Variants in SGCZ observed in about 807,000 individuals in gnomAD.
The protein encoded by SGCZ is zeta-sarcoglycan.
A neutral mutation model predicts 41.3 loss-of-function variants in SGCZ; 40 were observed. The observed-to-expected ratio is 0.97, with a 90% CI of 0.75 to 1.26. The LOEUF (loss-of-function observed/expected upper bound fraction) is 1.26, where lower values mean the gene tolerates loss of function less well. SGCZ is among the 50% of genes most tolerant of loss of function. SGCZ has a pLI of 0.00. For missense variants in SGCZ, 552 were observed against 369.8 expected (o/e 1.49, Z -4.04); for synonymous variants, 206 against 137.5 (o/e 1.50, Z -3.49).
intron 4 of SGCZ, among the ~76,000 whole-genome samples, chr8:14,229,110 C>A (rs145214467): frequency 2.6e-4 from 40 of 152,188 alleles, no homozygotes; most frequent in African/African-American, 9.4e-4. Flanking sequence ...TAGTCTAGGT[C>A]CTCCAGGAAG....
chr8:14,152,936 A>G lies in SGCZ; in HGVS notation c.547+11644T>C, dbSNP rs146930959. ...AAAGAAAATCCGGAAAGGTAAGTAA[A>G]TACCATATGATTCTGAATATAACAT... On this transcript the variant is annotated intron_variant, in intron 5 of 7. Coordinates refer to ENST00000382080, the MANE Select transcript of SGCZ (RefSeq NM_139167.4). Among the ~76,000 whole-genome samples the G allele has an allele frequency of 4.6e-5, 7 of 152,348 alleles. No homozygotes were observed. In the East Asian group the frequency reaches 1.4e-3, roughly 29 times the overall value.
chr8:14,625,865 A>G (rs1806438039), intron 1 of SGCZ, among the ~76,000 whole-genome samples: 1 of 152,180 alleles, frequency 6.6e-6, no homozygotes. Flanking sequence ...CAGCAGAATT[A>G]CCATCACCTT....
At chr8:14,243,030 GCATGACCTT>G (rs1798946264) in intron 3 of SGCZ, among the ~76,000 whole-genome samples, 1 of 152,184 alleles carries the variant, frequency 6.6e-6, no homozygotes, top group South Asian at 2.1e-4. Flanking sequence ...GGTTTTGGTA[GCATGACCTT>G]GTTTGTCTTG....
At chr8:14,739,849 C>T (rs1390881424) in intron 1 of SGCZ, among the ~76,000 whole-genome samples, 1 of 151,986 alleles carries the variant, frequency 6.6e-6, no homozygotes, top group Admixed American at 6.6e-5. Flanking sequence ...CCATTTTTAT[C>T]CAAAGTTCTA....
At chr8:14,643,468 G>T (rs1205953127) in intron 1 of SGCZ, among the ~76,000 whole-genome samples, 2 of 151,110 alleles carry the variant, frequency 1.3e-5, no homozygotes, top group African/African-American at 4.9e-5. Flanking sequence ...AAGGGGTAGA[G>T]TTTTATAAAC....
At chr8:14,648,598 G>GT (rs1279077215) in intron 1 of SGCZ, among the ~76,000 whole-genome samples, 3 of 151,820 alleles carry the variant, frequency 2.0e-5, no homozygotes, top group Non-Finnish European at 4.4e-5. Context: ...CAAAGAAAAG[G>GT]TTTTTTGTTT....
At chr8:14,412,001 T>C (rs780861235) in intron 2 of SGCZ, among the ~76,000 whole-genome samples, 6 of 152,122 alleles carry the variant, frequency 3.9e-5, no homozygotes, top group Non-Finnish European at 7.4e-5. Flanking sequence ...TCTTCTTAAA[T>C]GCAAGGGCGT....
intron 1 of SGCZ, among the ~76,000 whole-genome samples, chr8:14,713,544 G>A (rs937697436): frequency 6.6e-6 from 1 of 151,974 alleles, no homozygotes; most frequent in African/African-American, 2.4e-5. Flanking sequence ...TGCAAATGAG[G>A]GTTGAACTAA....
chr8:14,803,668 GC>G (rs1054539140), intron 1 of SGCZ, among the ~76,000 whole-genome samples: 4 of 151,996 alleles, frequency 2.6e-5, no homozygotes, highest in African/African-American at 4.8e-5. Flanking sequence ...GCCCGCCATT[GC>G]CCAGGCTTGC....
In SGCZ at chr8:14,261,053, T is replaced by C. The variant is rs529369578; in HGVS notation, c.337-23374A>G. Among the ~76,000 whole-genome samples the C allele has an allele frequency of 2.6e-5, 4 of 152,152 alleles. No homozygotes were observed. The East Asian group carries it at 7.8e-4, about 30-fold the overall frequency. ...CATGGCACATGTATACGTATGTAAC[T>C]AACCTGCCCAATGTGCACATGTACC... On this transcript the variant is annotated intron_variant, in intron 3 of 7. Coordinates refer to ENST00000382080, the MANE Select transcript of SGCZ (RefSeq NM_139167.4).
chr8:14,558,053 C>A (rs1468913474), intron 1 of SGCZ, among the ~76,000 whole-genome samples: 1 of 152,090 alleles, frequency 6.6e-6, no homozygotes, highest in Non-Finnish European at 1.5e-5. Flanking sequence ...AGTGCATAGA[C>A]TACAAAACCT....
At chr8:14,184,913 C>A (rs1039837298) in intron 4 of SGCZ, among the ~76,000 whole-genome samples, 1 of 152,096 alleles carries the variant, frequency 6.6e-6, no homozygotes. Flanking sequence ...TATAGCACCA[C>A]AACACTTATG....
chr8:14,506,079 T>C (rs1802296384), intron 2 of SGCZ, among the ~76,000 whole-genome samples: 1 of 152,088 alleles, frequency 6.6e-6, no homozygotes, highest in Non-Finnish European at 1.5e-5. Context: ...GGCTCATGCC[T>C]ATAATCCCAG....
chr8:14,405,156 C>A (rs1408615175), intron 2 of SGCZ, among the ~76,000 whole-genome samples: 1 of 152,194 alleles, frequency 6.6e-6, no homozygotes, highest in South Asian at 2.1e-4. Flanking sequence ...ATTGCCTTAT[C>A]ACCTTCTAAC....
intron 2 of SGCZ, among the ~76,000 whole-genome samples, chr8:14,350,105 T>C (rs1419003165): frequency 6.6e-6 from 1 of 152,068 alleles, no homozygotes; most frequent in African/African-American, 2.4e-5. Context: ...ACTTGGAAAA[T>C]GTCTTTGGAA....
At chr8:14,338,744 T>A (rs781164614) in intron 2 of SGCZ, among the ~76,000 whole-genome samples, 2 of 152,162 alleles carry the variant, frequency 1.3e-5, no homozygotes, top group Non-Finnish European at 2.9e-5. Context: ...ACAAACTGGC[T>A]TTTTTTGCCT....
intron 4 of SGCZ, among the ~76,000 whole-genome samples, chr8:14,228,075 G>C (rs998791618): frequency 6.6e-6 from 1 of 152,082 alleles, no homozygotes; most frequent in African/African-American, 2.4e-5. Context: ...ATTTTATTTA[G>C]CTTCCTGCCT....
At chr8:14,382,069 G>A (rs368062390) in intron 2 of SGCZ, among the ~76,000 whole-genome samples, 1 of 152,034 alleles carries the variant, frequency 6.6e-6, no homozygotes, top group Non-Finnish European at 1.5e-5. Flanking sequence ...CAGTGAAAGC[G>A]GCAGGAAAAA....
At chr8:14,414,043 C>A (rs1031470591) in intron 2 of SGCZ, among the ~76,000 whole-genome samples, 2 of 151,842 alleles carry the variant, frequency 1.3e-5, no homozygotes, top group Non-Finnish European at 2.9e-5. Flanking sequence ...GAATTTATAC[C>A]TTTCACAACA....
Sources: allele counts gnomAD v4.1 joint callset (sites outside exome capture counted in the v4.1 genomes callset), GRCh38; gene constraint gnomAD v4.1.1; transcripts MANE v1.5; gene names NCBI Gene and HGNC (gene_info 2026-07-23, HGNC 2026-07-21).